PHF24: variants seen among roughly 807,000 people sequenced by gnomAD.
PHF24 encodes the protein PHD finger protein 24.
In PHF24, 25 loss-of-function variants were observed where a neutral mutation model predicts 42.6. The observed-to-expected ratio is 0.59, with a 90% CI of 0.43 to 0.82. The LOEUF (loss-of-function observed/expected upper bound fraction) is 0.82. PHF24 is among the 40% of genes least tolerant of loss of function. The pLI is 0.00. For synonymous variants in PHF24, 185 were observed against 204.8 expected, an observed-to-expected ratio of 0.90 and a Z score of 0.83; for missense variants, 470 against 538.1, an observed-to-expected ratio of 0.87 and a Z score of 1.25.
At chr9:34,769,350 A>C in the PHF24 span, among the ~76,000 whole-genome samples, 24 of 152,098 alleles carry the variant, frequency 1.6e-4, no homozygotes, top group South Asian at 4.2e-4. Flanking sequence ...TGAACTCCTG[A>C]CCTCAGGTGA....
intron 4 of PHF24, 89 bp from the exon 5 acceptor site, chr9:34,976,446 T>C: frequency 2.2e-6 from 3 of 1,385,112 alleles, no homozygotes; most frequent in Admixed American, 1.9e-5. Context: ...AGCTGTGGGT[T>C]TGGGGGCCCC....
chr9:34,968,541 TATCA>T (rs1465942265), intron 1 of PHF24, among the ~76,000 whole-genome samples: 2 of 152,240 alleles, frequency 1.3e-5, no homozygotes, highest in East Asian at 1.9e-4. Flanking sequence ...TTTCCTTTCC[TATCA>T]ATCAGTTTAT....
At chr9:34,957,642 G>T (rs578158838), upstream of PHF24, 6 of 152,244 alleles carry the variant, frequency 3.9e-5, no homozygotes, top group Non-Finnish European at 8.8e-5. Context: ...TGGGCCAGCC[G>T]AGGATTATGT....
chr9:34,723,894 G>A, the PHF24 span: 2 of 1,551,708 alleles, frequency 1.3e-6, no homozygotes, highest in African/African-American at 1.4e-5. Context: ...AGCTGAGGGT[G>A]ATGCTGGGGG....
chr9:34,946,410 G>GT, the PHF24 span, among the ~76,000 whole-genome samples: 2 of 152,062 alleles, frequency 1.3e-5, no homozygotes, highest in African/African-American at 2.4e-5. Context: ...GTAAGACAGG[G>GT]TTTTTTTCTA....
At chr9:34,925,465 C>T in the PHF24 span, among the ~76,000 whole-genome samples, 1 of 152,124 alleles carries the variant, frequency 6.6e-6, no homozygotes. Context: ...CCCTTCTCTT[C>T]TACTTCAGGA....
the PHF24 span, among the ~76,000 whole-genome samples, chr9:34,864,279 C>T: frequency 6.6e-6 from 1 of 152,034 alleles, no homozygotes; most frequent in Non-Finnish European, 1.5e-5. Context: ...AGAAGGATAT[C>T]GATATCTAAG....
chr9:34,746,083 C>A, the PHF24 span, among the ~76,000 whole-genome samples: 366 of 152,120 alleles, frequency 2.4e-3, 1 homozygote, highest in African/African-American at 7.9e-3. Context: ...AAAAACTGAG[C>A]AGAAAATTTG....
chr9:34,930,051 T>C, the PHF24 span, among the ~76,000 whole-genome samples: 1 of 152,214 alleles, frequency 6.6e-6, no homozygotes, highest in Non-Finnish European at 1.5e-5. Flanking sequence ...GAATACTATT[T>C]TGGGGCTTCT....
At chr9:34,888,075 C>T in the PHF24 span, among the ~76,000 whole-genome samples, 2 of 152,174 alleles carry the variant, frequency 1.3e-5, no homozygotes, top group Admixed American at 1.3e-4. Context: ...GATGCCATGC[C>T]TCTGTTCATG....
chr9:34,741,920 G>A, the PHF24 span, among the ~76,000 whole-genome samples: 14 of 152,134 alleles, frequency 9.2e-5, no homozygotes, highest in Non-Finnish European at 1.8e-4. Context: ...GAGAGAACAG[G>A]AAGTGCTCTC....
At chr9:34,714,140 C>A in the PHF24 span, among the ~76,000 whole-genome samples, 1 of 152,094 alleles carries the variant, frequency 6.6e-6, no homozygotes, top group Non-Finnish European at 1.5e-5. Context: ...CTCAAGAGAC[C>A]TTAAGGCTGA....
chr9:34,718,846 G>A, the PHF24 span, among the ~76,000 whole-genome samples: 16 of 152,226 alleles, frequency 1.1e-4, no homozygotes, highest in African/African-American at 3.4e-4. Flanking sequence ...GCTGGTGGTC[G>A]GTTTCCTGAA....
At chr9:34,762,840 T>G in the PHF24 span, among the ~76,000 whole-genome samples, 16 of 152,364 alleles carry the variant, frequency 1.1e-4, no homozygotes, top group Middle Eastern at 3.4e-3. Flanking sequence ...GGTCTAACGT[T>G]TAAGTCTTTA....
chr9:34,903,295 A>G, the PHF24 span, among the ~76,000 whole-genome samples: 2 of 152,238 alleles, frequency 1.3e-5, no homozygotes, highest in Non-Finnish European at 2.9e-5. Flanking sequence ...AAAGAAGGAC[A>G]GTAATAAAAT....
chr9:34,936,575 G>C, the PHF24 span, among the ~76,000 whole-genome samples: 1 of 149,942 alleles, frequency 6.7e-6, no homozygotes, highest in Non-Finnish European at 1.5e-5. Flanking sequence ...GCCCAGTCTG[G>C]AAAGTGAGGA....
chr9:34,903,929 A>AT, the PHF24 span, among the ~76,000 whole-genome samples: 6 of 151,120 alleles, frequency 4.0e-5, no homozygotes, highest in African/African-American at 1.2e-4. Flanking sequence ...TTTTATTTTT[A>AT]TTTTTTTTCA....
At chr9:34,944,233 A>G in the PHF24 span, among the ~76,000 whole-genome samples, 1 of 152,252 alleles carries the variant, frequency 6.6e-6, no homozygotes, top group East Asian at 1.9e-4. Context: ...GCTGATAAAA[A>G]GAAAAAAATG....
the PHF24 span, among the ~76,000 whole-genome samples, chr9:34,755,076 T>G: frequency 2.0e-5 from 3 of 151,690 alleles, no homozygotes. Context: ...GTTGGAGGGT[T>G]GGGGGGAAGT....
Sources: gnomAD v4.1 joint callset for allele counts (sites outside exome capture counted in the v4.1 genomes callset) on GRCh38, gnomAD v4.1.1 for gene constraint, MANE v1.5 for transcripts, NCBI Gene and HGNC (gene_info 2026-07-23, HGNC 2026-07-21) for gene names.